Variants in SV2C observed in about 807,000 individuals in gnomAD.
SV2C encodes synaptic vesicle glycoprotein 2C.
A neutral mutation model predicts 79.7 loss-of-function variants in SV2C; 49 were observed. The observed-to-expected ratio is 0.61, with a 90% CI of 0.49 to 0.78. SV2C has a LOEUF of 0.78. Among genes scored for constraint, SV2C ranks in the 30% least tolerant of loss-of-function variants. The pLI is 0.00. For synonymous variants in SV2C, 334 were observed against 333.2 expected, an observed-to-expected ratio of 1.00 and a Z score of -0.03; for missense variants, 833 against 912.9, an observed-to-expected ratio of 0.91 and a Z score of 1.13.
the SV2C span, among the ~76,000 whole-genome samples, chr5:75,897,643 A>G: frequency 6.6e-6 from 1 of 152,300 alleles, no homozygotes; most frequent in African/African-American, 2.4e-5. Flanking sequence ...CATTGAATCT[A>G]TAAATTACCT....
At chr5:75,984,567 ATATC>A in the SV2C span, among the ~76,000 whole-genome samples, 419 of 102,910 alleles carry the variant, frequency 4.1e-3, 3 homozygotes, top group South Asian at 9.5e-3. Flanking sequence ...CTATCTATCT[ATATC>A]TATCTATCTA....
At chr5:75,999,375 AAGAGAGAGAG>A in the SV2C span, among the ~76,000 whole-genome samples, 1,867 of 134,790 alleles carry the variant, frequency 0.014, 41 homozygotes, top group African/African-American at 0.049. Flanking sequence ...GGGAGGGAGA[AAGAGAGAGAG>A]AGAGAGAGAG....
the SV2C span, among the ~76,000 whole-genome samples, chr5:76,059,649 G>A: frequency 1.3e-5 from 2 of 151,810 alleles, no homozygotes; most frequent in East Asian, 1.9e-4. Flanking sequence ...TTGAAGTCTC[G>A]AACCTCTCAA....
intron 1 of SV2C, among the ~76,000 whole-genome samples, chr5:76,092,916 C>T (rs895877103): frequency 2.6e-5 from 4 of 152,118 alleles, no homozygotes; most frequent in Non-Finnish European, 5.9e-5. Flanking sequence ...GAGTGCGTCT[C>T]ATATTATGTC....
At chr5:76,016,221 G>GA in the SV2C span, among the ~76,000 whole-genome samples, 1 of 78,860 alleles carries the variant, frequency 1.3e-5, no homozygotes, top group African/African-American at 4.6e-5. Flanking sequence ...CAGTGCAGCA[G>GA]AAAAAAGAGG....
At chr5:76,278,500 A>G (rs577817512) in intron 4 of SV2C, among the ~76,000 whole-genome samples, 1 of 152,346 alleles carries the variant, frequency 6.6e-6, no homozygotes, top group African/African-American at 2.4e-5. Context: ...ATCACATTCC[A>G]AGACTCCTAG....
chr5:76,090,668 C>G (rs760453939), intron 1 of SV2C, among the ~76,000 whole-genome samples: 1 of 152,288 alleles, frequency 6.6e-6, no homozygotes, highest in South Asian at 2.1e-4. Flanking sequence ...ACAAATGGAA[C>G]TTAAAGTTCT....
At chr5:75,931,046 A>C in the SV2C span, among the ~76,000 whole-genome samples, 3 of 152,192 alleles carry the variant, frequency 2.0e-5, no homozygotes, top group Admixed American at 6.5e-5. Flanking sequence ...AGGCACAAGA[A>C]TTGCTTAAAC....
chr5:75,916,301 T>G, the SV2C span, among the ~76,000 whole-genome samples: 1 of 125,548 alleles, frequency 8.0e-6, no homozygotes, highest in Non-Finnish European at 1.6e-5. Context: ...CCCCTTCCCC[T>G]TCCCCTTTCT....
At chr5:76,149,708 G>T (rs1749543256) in intron 2 of SV2C, among the ~76,000 whole-genome samples, 1 of 152,086 alleles carries the variant, frequency 6.6e-6, no homozygotes, top group Non-Finnish European at 1.5e-5. Context: ...CGCAGCTGAG[G>T]GATGCACATT....
the SV2C span, among the ~76,000 whole-genome samples, chr5:75,987,626 G>A: frequency 2.6e-5 from 4 of 152,074 alleles, no homozygotes; most frequent in South Asian, 2.1e-4. Context: ...AGAGCTGAAG[G>A]CATTTCAGAT....
chr5:76,185,328 A>T (rs1208893122), intron 2 of SV2C, among the ~76,000 whole-genome samples: 1 of 152,196 alleles, frequency 6.6e-6, no homozygotes, highest in Non-Finnish European at 1.5e-5. Flanking sequence ...TGGGTTCTGG[A>T]GGATGGTGGC....
chr5:76,299,533 T>A (rs1178132890), intron 10 of SV2C, among the ~76,000 whole-genome samples: 1 of 152,190 alleles, frequency 6.6e-6, no homozygotes, highest in East Asian at 1.9e-4. Context: ...GAACCCAGAT[T>A]TATTTGATTT....
At chr5:75,854,377 A>G in the SV2C span, among the ~76,000 whole-genome samples, 4 of 152,204 alleles carry the variant, frequency 2.6e-5, no homozygotes, top group Admixed American at 2.6e-4. Flanking sequence ...TAAAGGTAAA[A>G]TACCTAGGAC....
chr5:75,989,162 T>C, the SV2C span, among the ~76,000 whole-genome samples: 27 of 152,056 alleles, frequency 1.8e-4, 2 homozygotes, highest in South Asian at 5.6e-3. Context: ...TTATTTTAAG[T>C]TCATGGGTAC....
intron 4 of SV2C, among the ~76,000 whole-genome samples, chr5:76,274,681 CTTCT>C (rs1437330109): frequency 2.1e-5 from 2 of 96,710 alleles, no homozygotes; most frequent in Admixed American, 1.0e-4. Context: ...CCTTTTTCTC[CTTCT>C]TTTTTTTTTT....
At chr5:76,302,701 A>G (rs1218285290) in intron 12 of SV2C, among the ~76,000 whole-genome samples, 3 of 151,842 alleles carry the variant, frequency 2.0e-5, no homozygotes, top group African/African-American at 7.2e-5. Flanking sequence ...AGAAAGGGCT[A>G]GGGCTTTTGG....
At chr5:75,921,236 C>T in the SV2C span, 11 of 1,336,896 alleles carry the variant, frequency 8.2e-6, no homozygotes, top group Non-Finnish European at 1.2e-5. Flanking sequence ...GGGACACTTC[C>T]CTTTGACTTT....
intron 12 of SV2C, among the ~76,000 whole-genome samples, chr5:76,341,540 T>A (rs1749442494): frequency 6.6e-6 from 1 of 152,226 alleles, no homozygotes; most frequent in African/African-American, 2.4e-5. Flanking sequence ...AATATGGGTT[T>A]GAGTCCTGAC....
Sources: gnomAD v4.1 joint callset for allele counts (sites outside exome capture counted in the v4.1 genomes callset) on GRCh38, gnomAD v4.1.1 for gene constraint, MANE v1.5 for transcripts, NCBI Gene and HGNC (gene_info 2026-07-23, HGNC 2026-07-21) for gene names.